Variants in NBEA observed in about 807,000 individuals in gnomAD.
The protein encoded by NBEA is neurobeachin, also known as lysosomal-trafficking regulator 2.
In NBEA, 44 loss-of-function variants were observed where a neutral mutation model predicts 343.4. That is an observed-to-expected ratio of 0.13 (90% CI 0.10 to 0.16). NBEA has a LOEUF of 0.16. Ranked by LOEUF, NBEA falls within the 10% of genes least tolerant of loss-of-function variation. The pLI is 1.00. For synonymous variants in NBEA, 1,175 were observed against 1,238.7 expected (o/e 0.95, Z 1.08); for missense variants, 2,555 against 3,631.3 (o/e 0.70, Z 7.62).
chr13:35,053,843 A>G (rs753830388), intron 6 of NBEA, among the ~76,000 whole-genome samples: 6 of 152,138 alleles, frequency 3.9e-5, no homozygotes, highest in Admixed American at 2.0e-4. Flanking sequence ...TCTATTTATA[A>G]TATTCACAAG....
intron 18 of NBEA, among the ~76,000 whole-genome samples, chr13:35,147,312 G>C (rs930439179): frequency 1.3e-5 from 2 of 152,160 alleles, no homozygotes; most frequent in Non-Finnish European, 2.9e-5. Context: ...AAGATGTTAT[G>C]AATATCTCCC....
At chr13:35,113,238 A>G (rs980872128) in intron 13 of NBEA, among the ~76,000 whole-genome samples, 1 of 152,136 alleles carries the variant, frequency 6.6e-6, no homozygotes, top group Non-Finnish European at 1.5e-5. Flanking sequence ...ATAACACAGA[A>G]GTCATATTGT....
At chr13:35,404,698 A>G (rs944250215) in intron 38 of NBEA, among the ~76,000 whole-genome samples, 1 of 151,300 alleles carries the variant, frequency 6.6e-6, no homozygotes, top group Admixed American at 6.6e-5. Context: ...GCACATGTAT[A>G]CATATGTAAC....
intron 49 of NBEA, among the ~76,000 whole-genome samples, chr13:35,640,860 C>G (rs1339264097): frequency 6.6e-6 from 1 of 151,598 alleles, no homozygotes; most frequent in Admixed American, 6.6e-5. Flanking sequence ...ACTTCTCTGC[C>G]TATACCTACA....
At chr13:34,964,387 A>G (rs1037732888) in intron 1 of NBEA, among the ~76,000 whole-genome samples, 1 of 152,002 alleles carries the variant, frequency 6.6e-6, no homozygotes, top group South Asian at 2.1e-4. Flanking sequence ...ATGGCATGTC[A>G]TAATTTGCCC....
At chr13:35,238,431 T>G (rs911683924) in intron 34 of NBEA, among the ~76,000 whole-genome samples, 16 of 152,246 alleles carry the variant, frequency 1.1e-4, no homozygotes, top group African/African-American at 3.9e-4. Flanking sequence ...TCAGTGTTTT[T>G]ACTTTCCTCC....
At chr13:35,111,950 T>C (rs1177425668) in intron 13 of NBEA, among the ~76,000 whole-genome samples, 1 of 141,342 alleles carries the variant, frequency 7.1e-6, no homozygotes, top group Admixed American at 7.3e-5. Flanking sequence ...GGAGTCTTGC[T>C]CTGTCACCCA....
At chr13:34,965,257 A>T (rs1453069386) in intron 1 of NBEA, among the ~76,000 whole-genome samples, 1 of 152,042 alleles carries the variant, frequency 6.6e-6, no homozygotes, top group African/African-American at 2.4e-5. Flanking sequence ...TCAAGATCTA[A>T]TAAGAGAGAC....
intron 41 of NBEA, among the ~76,000 whole-genome samples, chr13:35,525,395 T>C (rs961334057): frequency 1.3e-5 from 2 of 151,890 alleles, no homozygotes; most frequent in Admixed American, 1.3e-4. Context: ...CCACTAAAAA[T>C]ACAAAAAATT....
At chr13:35,290,577 T>C (rs2035739124) in intron 35 of NBEA, 127 bp downstream of exon 35, 2 of 596,076 alleles carry the variant, frequency 3.4e-6, no homozygotes, top group African/African-American at 3.9e-5. Context: ...ATCCCATAGA[T>C]GGAGAAAATA....
At chr13:35,533,275 A>G (rs2078354074) in intron 41 of NBEA, among the ~76,000 whole-genome samples, 2 of 151,872 alleles carry the variant, frequency 1.3e-5, no homozygotes, top group African/African-American at 2.4e-5. Flanking sequence ...CATTTTTACT[A>G]TTTTCTGTGA....
rs768668715 is a variant in NBEA at position 35,364,296 on chromosome 13, T to C, written c.6179+11973T>C. Among the ~76,000 whole-genome samples, 145 of 152,008 alleles carry C rather than the reference T, an allele frequency of 9.5e-4. 1 individual carries two copies. Among genetic ancestry groups the C allele is most frequent in the Non-Finnish European group, 1.0e-3 (71 of 67,870 alleles). ...AGTCCAACAACACATGTAGAGTATA[T>C]GCTTTCTTCTTCCAAGCACTGAAAA... is the stretch of plus-strand genomic sequence containing the variant. On this transcript the variant is annotated intron_variant, in intron 38 of 58. Transcript: ENST00000379939.
chr13:35,451,892 G>A (rs765291722), intron 39 of NBEA, among the ~76,000 whole-genome samples, 200 bp from the exon 40 acceptor site: 1 of 152,036 alleles, frequency 6.6e-6, no homozygotes, highest in Non-Finnish European at 1.5e-5. Flanking sequence ...TTTAAAATAA[G>A]GGTAGATCAT....
intron 38 of NBEA, among the ~76,000 whole-genome samples, chr13:35,415,776 C>A (rs1331114401): frequency 6.6e-6 from 1 of 152,082 alleles, no homozygotes. Context: ...TGAAAAAAGT[C>A]ATTGGTAGCT....
intron 36 of NBEA, among the ~76,000 whole-genome samples, chr13:35,327,919 A>C (rs2038678418): frequency 6.6e-6 from 1 of 151,954 alleles, no homozygotes; most frequent in South Asian, 2.1e-4. Context: ...TATAAAAAAA[A>C]AACTCTCAGC....
In NBEA at chr13:35,137,484, A is replaced by G. The variant is rs531844792; in HGVS notation, c.2337-4785A>G. ...AAAAAGCCCTTCATGTGGTAAAGAAAGTCATCTGAAGTTTTAAAAATTTTT... is the reference window on the plus strand; with the variant it reads ...AAAAAGCCCTTCATGTGGTAAAGAAGGTCATCTGAAGTTTTAAAAATTTTT... On this transcript the variant is annotated intron_variant, in intron 17 of 58. Coordinates refer to ENST00000379939, the MANE Select transcript of NBEA (RefSeq NM_001385012.1). 1.1e-3 allele frequency among the ~76,000 whole-genome samples: 163 copies of G among 151,936 alleles called. 1 individual carries two copies. Among genetic ancestry groups the G allele is most frequent in the African/African-American group, 3.8e-3 (156 of 41,502 alleles).
chr13:35,354,859 G>T (rs115295102), intron 38 of NBEA, among the ~76,000 whole-genome samples: 1 of 152,090 alleles, frequency 6.6e-6, no homozygotes, highest in Non-Finnish European at 1.5e-5. Context: ...CCCGTCGCCA[G>T]GTCTGTATAT....
chr13:35,108,757 G>A (rs1593369950), intron 11 of NBEA, among the ~76,000 whole-genome samples: 1 of 151,996 alleles, frequency 6.6e-6, no homozygotes, highest in South Asian at 2.1e-4. Flanking sequence ...CATGGTGATA[G>A]TAGTTGAAAA....
chr13:35,266,607 C>T (rs544889647), intron 34 of NBEA, among the ~76,000 whole-genome samples: 1 of 151,844 alleles, frequency 6.6e-6, no homozygotes, highest in East Asian at 1.9e-4. Flanking sequence ...ATTGCATCAT[C>T]TCACTCACGT....
Sources: allele counts gnomAD v4.1 joint callset (sites outside exome capture counted in the v4.1 genomes callset), GRCh38; gene constraint gnomAD v4.1.1; transcripts MANE v1.5; gene names NCBI Gene and HGNC (gene_info 2026-07-23, HGNC 2026-07-21).